ABCA13: variants seen among roughly 807,000 people sequenced by gnomAD.
ABCA13 encodes the protein ATP-binding cassette sub-family A member 13.
A neutral mutation model predicts 478.7 loss-of-function variants in ABCA13; 476 were observed. The observed-to-expected ratio is 0.99, with a 90% CI of 0.92 to 1.07. The LOEUF (loss-of-function observed/expected upper bound fraction) is 1.07, where lower values mean the gene tolerates loss of function less well. Among genes scored for constraint, ABCA13 ranks in the 50% least tolerant of loss-of-function variants. The probability of loss-of-function intolerance (pLI) is 0.00; values close to 1 mark genes in which losing one functional copy is unlikely to be tolerated. For missense variants in ABCA13, 6,060 were observed against 5,910.6 expected (o/e 1.03, Z -0.83); for synonymous variants, 2,252 against 2,158.9 (o/e 1.04, Z -1.20).
chr7:48,641,653 T>G (rs1183402503), intron 59 of ABCA13, among the ~76,000 whole-genome samples: 2 of 152,122 alleles, frequency 1.3e-5, no homozygotes, highest in Non-Finnish European at 2.9e-5. Flanking sequence ...TTAATAAACA[T>G]GAGACCAGAA....
intron 31 of ABCA13, among the ~76,000 whole-genome samples, chr7:48,357,823 C>T (rs1810170692): frequency 6.6e-6 from 1 of 151,792 alleles, no homozygotes; most frequent in South Asian, 2.1e-4. Flanking sequence ...ACTTGGCTGC[C>T]ATTTCACTCC....
intron 55 of ABCA13, among the ~76,000 whole-genome samples, chr7:48,534,242 T>C (rs967776801): frequency 6.6e-6 from 1 of 152,162 alleles, no homozygotes; most frequent in African/African-American, 2.4e-5. Flanking sequence ...AGCTTAGATT[T>C]GCTGGATACA....
intron 48 of ABCA13, among the ~76,000 whole-genome samples, chr7:48,495,298 C>G (rs1388049366): frequency 6.6e-6 from 1 of 152,086 alleles, no homozygotes; most frequent in Non-Finnish European, 1.5e-5. Context: ...ATCTTTGACC[C>G]AGGGATTATT....
At chr7:48,242,523 C>T (rs1477254661) in intron 10 of ABCA13, among the ~76,000 whole-genome samples, 1 of 152,148 alleles carries the variant, frequency 6.6e-6, no homozygotes, top group Admixed American at 6.5e-5. Context: ...CCGCAACCTC[C>T]ACCTCTCAGA....
intron 39 of ABCA13, among the ~76,000 whole-genome samples, chr7:48,410,235 A>G (rs1335474862): frequency 6.6e-6 from 1 of 151,774 alleles, no homozygotes; most frequent in East Asian, 1.9e-4. Context: ...GGGGCTGTGC[A>G]CAAGCACTCT....
chr7:48,355,904 G>A (rs1043213076), intron 31 of ABCA13, among the ~76,000 whole-genome samples: 8 of 151,882 alleles, frequency 5.3e-5, no homozygotes, highest in African/African-American at 1.9e-4. Context: ...CAGGAGGCTG[G>A]GACAATGTAT....
rs73694682 is a variant in ABCA13, at chr7:48,579,662, C to T, written c.14355-562C>T. On this transcript the variant is annotated intron_variant, in intron 55 of 61. Coordinates refer to ENST00000435803, the MANE Select transcript of ABCA13 (RefSeq NM_152701.5). ...TGTATGTAGACACAGGAGTTTCACA[C>T]AAAAAATAAGACTCAAGGAGCTGCC... 4.6e-3 allele frequency among the ~76,000 whole-genome samples: 698 copies of T among 152,172 alleles called. 3 individuals carry two copies. Among genetic ancestry groups the T allele is most frequent in the African/African-American group, 0.016 (663 of 41,508 alleles).
chr7:48,383,639 G>A (rs1216428236), intron 35 of ABCA13, among the ~76,000 whole-genome samples: 1 of 152,150 alleles, frequency 6.6e-6, no homozygotes, highest in Non-Finnish European at 1.5e-5. Context: ...GAAAAATTGA[G>A]CTATAATACA....
intron 19 of ABCA13, among the ~76,000 whole-genome samples, chr7:48,285,523 T>C (rs1797612967): frequency 6.6e-6 from 1 of 152,208 alleles, no homozygotes; most frequent in African/African-American, 2.4e-5. Flanking sequence ...GGAGGCCAGA[T>C]GGCCTGACAG....
At chr7:48,230,101 A>G in intron 7 of ABCA13, 146 bp downstream of exon 7, 1 of 1,065,362 alleles carries the variant, frequency 9.4e-7, no homozygotes, top group Non-Finnish European at 1.3e-6. Flanking sequence ...CTGTTAATAC[A>G]AGACAAAAAT....
chr7:48,274,549 C>T lies in ABCA13; in HGVS notation c.4883C>T (p.Thr1628Ile). 2.5e-6 allele frequency: 4 copies of T among 1,613,822 alleles called. No individual in the cohort carries two copies. In the South Asian group the frequency reaches 3.3e-5, roughly 13 times the overall value. ...ATTTCACCTGAAATAATGAAAGCTA[C>T]AGGTCTTGGTATTCAACTGATAAGG... ...IIISPEIMKATGLGIQLIRDV... is the reference protein window; with the variant it reads ...IIISPEIMKAIGLGIQLIRDV... The change falls in exon 17 of 62, where the codon ACA (threonine) becomes ATA (isoleucine). Residue 1628 changes from threonine to isoleucine, a missense_variant. This residue lies in a region of ABCA13 where 4,423 missense variants were observed against 4,309.1 expected (regional missense o/e 1.03). Coordinates refer to ENST00000435803, the MANE Select transcript of ABCA13 (RefSeq NM_152701.5).
intron 57 of ABCA13, among the ~76,000 whole-genome samples, chr7:48,589,898 T>C (rs141395875): frequency 5.5e-4 from 84 of 152,304 alleles, no homozygotes; most frequent in Non-Finnish European, 9.4e-4. Flanking sequence ...CTTAATCTTA[T>C]AAACTCATTC....
At chr7:48,371,968 G>T (rs556629395) in intron 32 of ABCA13, among the ~76,000 whole-genome samples, 200 bp from the exon 33 acceptor site, 1 of 152,230 alleles carries the variant, frequency 6.6e-6, no homozygotes, top group African/African-American at 2.4e-5. Context: ...TTAATTTTAA[G>T]TTCCAGGATA....
In ABCA13 at chr7:48,248,223, T is replaced by C. The variant is rs1367343309; in HGVS notation, c.1660-16T>C. On this transcript the variant is annotated splice_polypyrimidine_tract_variant and intron_variant, in intron 13 of 61. Coordinates refer to ENST00000435803, the MANE Select transcript of ABCA13 (RefSeq NM_152701.5). Reference sequence around the variant, plus strand: ...TGCTTTATTTATTATAAGCAATATCTTCTTTTCTTGTTAAGGATCGTATTT... The same window carrying C: ...TGCTTTATTTATTATAAGCAATATCCTCTTTTCTTGTTAAGGATCGTATTT... The C allele has an allele frequency of 1.2e-6, 2 of 1,603,484 alleles. No homozygotes were observed. The highest frequency in any genetic ancestry group is 2.2e-5 in the South Asian group (2 of 90,554).
At position 48,304,757 on chromosome 7, in the gene ABCA13, C is replaced by T. The variant is rs145923006; in HGVS notation, c.9322-5190C>T. 3.7e-3 allele frequency among the ~76,000 whole-genome samples: 569 copies of T among 152,170 alleles called. 3 individuals carry two copies. Among genetic ancestry groups the T allele is most frequent in the African/African-American group, 0.013 (537 of 41,476 alleles). ...CCAGGCAACAAACCTGCATGTACTC[C>T]GTAAACCTAAAATAAAATTTGAGAA... On this transcript the variant is annotated intron_variant, in intron 23 of 61. Coordinates refer to ENST00000435803, the MANE Select transcript of ABCA13 (RefSeq NM_152701.5).
rs772161213 is a variant in ABCA13 at position 48,279,536 on chromosome 7, C to T, written c.8342C>T (p.Ala2781Val). The T allele has an allele frequency of 6.2e-7, 1 of 1,613,380 alleles. No individual in the cohort carries two copies. Among genetic ancestry groups the T allele is most frequent in the Non-Finnish European group, 8.5e-7 (1 of 1,179,642 alleles). ...AAAACCATAGAAACAGTTTTAGAGGCCTCCAGTGGAATTAAAAGTGACTAT... is the reference window on the plus strand; with the variant it reads ...AAAACCATAGAAACAGTTTTAGAGGTCTCCAGTGGAATTAAAAGTGACTAT... ...LLKTIETVLEASSGIKSDYEG... is the reference protein window; with the variant it reads ...LLKTIETVLEVSSGIKSDYEG... The change falls in exon 18 of 62, where the codon GCC becomes GTC. Residue 2781 changes from alanine (A) to valine (V), a missense_variant. Around this residue, in one of 3 missense-constraint regions of ABCA13, gnomAD observed 4,423 missense variants for 4,309.1 expected, o/e 1.03. Transcript: ENST00000435803.
At chr7:48,397,329 AG>A (rs1194073652) in intron 38 of ABCA13, among the ~76,000 whole-genome samples, 2 of 152,180 alleles carry the variant, frequency 1.3e-5, no homozygotes, top group African/African-American at 4.8e-5. Flanking sequence ...CCTCAGTTTT[AG>A]GGAGCACAGC....
rs1563368399 is a variant in ABCA13, at chr7:48,507,856, T to G, written c.13347-16T>G. The G allele has an allele frequency of 6.3e-7, 1 of 1,592,002 alleles. No individual in the cohort carries two copies. Among genetic ancestry groups the G allele is most frequent in the Non-Finnish European group, 8.6e-7 (1 of 1,167,568 alleles). On this transcript the variant is annotated splice_polypyrimidine_tract_variant and intron_variant, in intron 49 of 61. Transcript: ENST00000435803. ...TCTTCGTCAGGTGCCTGAGAGCTGC[T>G]CTGTTCCACCCGCAGCCTGGAGAGC...
Position 48,528,318 on chromosome 7 carries a change from G to T in ABCA13, c.14327G>T (p.Gly4776Val). 6.4e-7 allele frequency: 1 copy of T among 1,568,802 alleles called. No homozygotes were observed. ...MLNGEVSLTS[G>V]HAIIRTPMGD... The stretch of plus-strand genomic sequence containing the variant: ...AATGGTGAAGTTTCTCTAACTTCAG[G>T]ACATGCTATCATCAGGACTCCCATG... Residue 4776 changes from glycine to valine, a missense_variant, in exon 55 of 62, where the codon GGA (glycine) becomes GTA (valine). Physicochemically the swap from Gly to Val is moderately radical, Grantham distance 109. Around this residue, in one of 3 missense-constraint regions of ABCA13, gnomAD observed 1,627 missense variants for 1,571.0 expected, o/e 1.04. Coordinates refer to ENST00000435803, the MANE Select transcript of ABCA13 (RefSeq NM_152701.5).
Sources: allele counts gnomAD v4.1 joint callset (sites outside exome capture counted in the v4.1 genomes callset), GRCh38; gene constraint gnomAD v4.1.1; regional missense constraint gnomAD v4.1.1; transcripts MANE v1.5; gene names NCBI Gene and HGNC (gene_info 2026-07-23, HGNC 2026-07-21).